PCNT: variants seen among roughly 807,000 people sequenced by gnomAD.
The protein encoded by PCNT is kendrin.
A neutral mutation model predicts 380.4 loss-of-function variants in PCNT; 319 were observed. That is an observed-to-expected ratio of 0.84 (90% CI 0.77 to 0.92). The LOEUF is 0.92. Ranked by LOEUF, PCNT falls within the 40% of genes least tolerant of loss-of-function variation. The pLI is 0.00. For synonymous variants in PCNT, 1,845 were observed against 1,735.2 expected (o/e 1.06, Z -1.57); for missense variants, 4,400 against 4,255.3 (o/e 1.03, Z -0.95).
chr21:46,416,712 A>G lies in PCNT; in HGVS notation c.6794A>G (p.Asp2265Gly). 6.3e-7 allele frequency: 1 copy of G among 1,577,008 alleles called. No homozygotes were observed. The highest frequency in any genetic ancestry group is 8.6e-7 in the Non-Finnish European group (1 of 1,159,640). ...GACACATCCCTGGGGGACAGGGCGGACACCTCGCTGCCACAGACCCAGGGG... is the reference window on the plus strand; with the variant it reads ...GACACATCCCTGGGGGACAGGGCGGGCACCTCGCTGCCACAGACCCAGGGG... The part of the protein sequence containing the change: ...SADTSLGDRA[D>G]TSLPQTQGPG... Residue 2265 changes from aspartate (D) to glycine (G), a missense_variant, in exon 30 of 47, where the codon GAC becomes GGC. Coordinates refer to ENST00000359568, the MANE Select transcript of PCNT (RefSeq NM_006031.6).
intron 40 of PCNT, 67 bp from the exon 41 acceptor site, chr21:46,438,097 A>G: frequency 7.6e-7 from 1 of 1,308,236 alleles, no homozygotes; most frequent in Non-Finnish European, 1.1e-6. Flanking sequence ...ACTGTTGACA[A>G]AAAACACAAG....
chr21:46,434,296 C>A (rs751119537), intron 38 of PCNT, among the ~76,000 whole-genome samples: 1 of 152,226 alleles, frequency 6.6e-6, no homozygotes, highest in Non-Finnish European at 1.5e-5. Flanking sequence ...TTGAGTGAGG[C>A]GCTGTCAGGA....
chr21:46,330,294 A>G (rs1218170692), intron 2 of PCNT, among the ~76,000 whole-genome samples: 1 of 151,982 alleles, frequency 6.6e-6, no homozygotes, highest in African/African-American at 2.4e-5. Context: ...ACTTAAAAAA[A>G]AATTTGTAGA....
At position 46,445,528 on chromosome 21, in the gene PCNT, G is replaced by C; in HGVS notation, c.*201G>C. The C allele has an allele frequency of 1.6e-6, 1 of 616,708 alleles. No homozygotes were observed. 38.2% of individuals were successfully genotyped at this position (616,708 alleles called of 1,614,324 possible). ...CTGGAGCATTTTCTATGGAGCCTCC[G>C]TATGTTTTAGGCCCATGACCTTCGT... On this transcript the variant is annotated 3_prime_UTR_variant, in exon 47 of 47. Transcript: ENST00000359568.
intron 15 of PCNT, among the ~76,000 whole-genome samples, chr21:46,375,282 C>A (rs1283032716): frequency 6.6e-6 from 1 of 152,116 alleles, no homozygotes. Flanking sequence ...AAACCCAAAT[C>A]TATTCATAGG....
intron 38 of PCNT, among the ~76,000 whole-genome samples, chr21:46,435,021 T>G (rs555819524): frequency 1.5e-4 from 23 of 152,108 alleles, no homozygotes; most frequent in Admixed American, 1.4e-3. Context: ...ACTGAATCAT[T>G]CTGGGGTGTG....
At chr21:46,370,035 G>A (rs2085062821) in intron 15 of PCNT, among the ~76,000 whole-genome samples, 1 of 152,238 alleles carries the variant, frequency 6.6e-6, no homozygotes, top group African/African-American at 2.4e-5. Flanking sequence ...CTCCACGTGT[G>A]TGGTTCCCAC....
intron 38 of PCNT, among the ~76,000 whole-genome samples, chr21:46,433,802 C>G (rs769663424): frequency 6.6e-6 from 1 of 152,002 alleles, no homozygotes; most frequent in African/African-American, 2.4e-5. Flanking sequence ...GGTAGAGTCT[C>G]GCTCTGTCTT....
intron 38 of PCNT, among the ~76,000 whole-genome samples, chr21:46,432,998 T>C (rs1281198848): frequency 6.6e-6 from 1 of 152,210 alleles, no homozygotes; most frequent in Non-Finnish European, 1.5e-5. Context: ...TTTTGTTAAA[T>C]TTATTTACTT....
Position 46,425,098 on chromosome 21 carries a change from G to T in PCNT, c.7180-733G>T, listed in dbSNP as rs1043827121. Among the ~76,000 whole-genome samples the T allele has an allele frequency of 1.3e-5, 2 of 152,128 alleles. No individual in the cohort carries two copies. The highest frequency in any genetic ancestry group is 1.3e-4 in the Admixed American group (2 of 15,276). On this transcript the variant is annotated intron_variant, in intron 32 of 46. Coordinates refer to ENST00000359568, the MANE Select transcript of PCNT (RefSeq NM_006031.6). The surrounding 1 kb of genome is among the most constrained non-coding windows in gnomAD (Gnocchi z 4.2). ...AGACGTGTCCTGTGCTTGGGTGTGT[G>T]CTCATGTGGTGGTGACCGCGCTGAG...
At chr21:46,326,259 A>G in intron 1 of PCNT, 118 bp from the exon 2 acceptor site, 1 of 849,792 alleles carries the variant, frequency 1.2e-6, no homozygotes, top group Non-Finnish European at 1.9e-6. Flanking sequence ...CAGGTGTGGC[A>G]GAGTAGACTG....
At chr21:46,393,760 C>G (rs187515789) in intron 21 of PCNT, among the ~76,000 whole-genome samples, 19 of 152,326 alleles carry the variant, frequency 1.2e-4, no homozygotes, top group African/African-American at 4.1e-4. Context: ...AGGGCTTCTT[C>G]CCAAGGCTGT....
At chr21:46,347,146 G>T in intron 5 of PCNT, 148 bp downstream of exon 5, 1 of 1,065,556 alleles carries the variant, frequency 9.4e-7, no homozygotes, top group Non-Finnish European at 1.3e-6. Context: ...CTGGCACCAT[G>T]AGAGGGGTGA....
intron 2 of PCNT, among the ~76,000 whole-genome samples, chr21:46,333,267 A>G (rs890717234): frequency 1.3e-5 from 2 of 152,024 alleles, no homozygotes; most frequent in African/African-American, 2.4e-5. Flanking sequence ...CCCCGATTCT[A>G]CTAAAAATAC....
chr21:46,372,854 T>G (rs1193293732), intron 15 of PCNT, among the ~76,000 whole-genome samples: 1 of 152,190 alleles, frequency 6.6e-6, no homozygotes, highest in Non-Finnish European at 1.5e-5. Flanking sequence ...GGGTATCGTG[T>G]GGGTCTGTCT....
chr21:46,327,981 G>A (rs903635179), intron 2 of PCNT, among the ~76,000 whole-genome samples: 1 of 152,188 alleles, frequency 6.6e-6, no homozygotes, highest in Non-Finnish European at 1.5e-5. Context: ...GAGGCGGGCT[G>A]TCCTTGGGCC....
chr21:46,382,781 A>G (rs1438144392), intron 16 of PCNT, among the ~76,000 whole-genome samples: 3 of 139,658 alleles, frequency 2.1e-5, no homozygotes, highest in Non-Finnish European at 4.6e-5. Context: ...TTGTATATTC[A>G]GTGACAGAAG....
At chr21:46,443,512 T>C (rs547121485) in intron 44 of PCNT, among the ~76,000 whole-genome samples, 2 of 152,236 alleles carry the variant, frequency 1.3e-5, no homozygotes, top group Admixed American at 1.3e-4. Flanking sequence ...TTCCTGCCCC[T>C]CCCTCCTGAG....
intron 15 of PCNT, among the ~76,000 whole-genome samples, chr21:46,380,017 C>T (rs1031489410): frequency 6.6e-6 from 1 of 152,158 alleles, no homozygotes. Flanking sequence ...CTGTGGACAT[C>T]GCATTCTCAA....
Sources: allele counts gnomAD v4.1 joint callset (sites outside exome capture counted in the v4.1 genomes callset), GRCh38; gene constraint gnomAD v4.1.1; non-coding constraint Gnocchi (gnomAD v3.1); transcripts MANE v1.5; gene names NCBI Gene and HGNC (gene_info 2026-07-23, HGNC 2026-07-21).